Variants in SNTG2 observed in about 807,000 individuals in gnomAD.
The protein encoded by SNTG2 is syntrophin gamma 2.
Under a neutral mutation model 70.9 loss-of-function variants are expected in SNTG2, and 74 were observed. The observed-to-expected ratio is 1.04, with a 90% CI of 0.86 to 1.27. The LOEUF is 1.27. Ranked by LOEUF, SNTG2 falls within the 50% of genes most tolerant of loss-of-function variation. The probability of loss-of-function intolerance (pLI) is 0.00; values close to 1 mark genes in which losing one functional copy is unlikely to be tolerated. For missense variants in SNTG2, 717 were observed against 690.7 expected, an observed-to-expected ratio of 1.04 and a Z score of -0.43; for synonymous variants, 278 against 273.8, an observed-to-expected ratio of 1.02 and a Z score of -0.15.
intron 2 of SNTG2, among the ~76,000 whole-genome samples, chr2:1,096,313 C>G (rs1665385745): frequency 6.6e-6 from 1 of 152,172 alleles, no homozygotes; most frequent in African/African-American, 2.4e-5. Flanking sequence ...CATACATCAC[C>G]TCTTACAGTT....
At chr2:1,340,640 G>A (rs529133398) in intron 16 of SNTG2, among the ~76,000 whole-genome samples, 1 of 152,266 alleles carries the variant, frequency 6.6e-6, no homozygotes, top group South Asian at 2.1e-4. Flanking sequence ...AAAATAAAAT[G>A]TTTGACATAA....
At chr2:1,195,352 A>G (rs1672845732) in intron 8 of SNTG2, among the ~76,000 whole-genome samples, 1 of 152,170 alleles carries the variant, frequency 6.6e-6, no homozygotes, top group African/African-American at 2.4e-5. Context: ...AACAGTGTAA[A>G]AGCGTTCCTA....
chr2:1,317,188 C>T (rs1681325247), intron 16 of SNTG2, among the ~76,000 whole-genome samples: 1 of 90,942 alleles, frequency 1.1e-5, no homozygotes, highest in African/African-American at 4.4e-5. Context: ...AGCATGAGGC[C>T]AGCATTGGAG....
chr2:1,226,706 G>A (rs573695324), intron 9 of SNTG2, among the ~76,000 whole-genome samples: 8 of 152,226 alleles, frequency 5.3e-5, no homozygotes, highest in South Asian at 4.1e-4. Context: ...AGGTAAAACC[G>A]CAAGTCTCTT....
intron 1 of SNTG2, among the ~76,000 whole-genome samples, chr2:1,012,279 A>G (rs1000250565): frequency 2.0e-5 from 3 of 152,192 alleles, no homozygotes; most frequent in Non-Finnish European, 4.4e-5. Flanking sequence ...CCACAAAACA[A>G]CATCTTGAAA....
intron 8 of SNTG2, among the ~76,000 whole-genome samples, chr2:1,185,036 G>A (rs1034236115): frequency 1.3e-5 from 2 of 152,176 alleles, no homozygotes; most frequent in African/African-American, 4.8e-5. Context: ...CAGGCATTGG[G>A]TAAATACACC....
intron 11 of SNTG2, among the ~76,000 whole-genome samples, chr2:1,246,962 A>C (rs1420205740): frequency 1.3e-5 from 2 of 152,222 alleles, no homozygotes; most frequent in Non-Finnish European, 2.9e-5. Context: ...GAAAAATATA[A>C]TTAGCTGTTT....
intron 2 of SNTG2, among the ~76,000 whole-genome samples, chr2:1,090,970 G>A (rs572823772): frequency 6.6e-6 from 1 of 152,294 alleles, no homozygotes; most frequent in African/African-American, 2.4e-5. Context: ...GGTACTGGCT[G>A]TGCCCAATGA....
At chr2:986,482 ATGT>A (rs1270027604) in intron 1 of SNTG2, among the ~76,000 whole-genome samples, 1 of 152,226 alleles carries the variant, frequency 6.6e-6, no homozygotes, top group African/African-American at 2.4e-5. Flanking sequence ...GAATGGACAG[ATGT>A]TGTGAATGAG....
intron 14 of SNTG2, among the ~76,000 whole-genome samples, chr2:1,269,566 G>A (rs760631725): frequency 9.9e-5 from 15 of 152,084 alleles, no homozygotes; most frequent in Non-Finnish European, 1.9e-4. Flanking sequence ...CAGAGCTGGG[G>A]TTGGACTTTA....
intron 6 of SNTG2, among the ~76,000 whole-genome samples, chr2:1,162,025 G>A (rs1670334607): frequency 7.5e-6 from 1 of 132,816 alleles, no homozygotes; most frequent in Non-Finnish European, 1.5e-5. Context: ...AGTGGGCCCA[G>A]ATGGCGCCAC....
intron 1 of SNTG2, among the ~76,000 whole-genome samples, chr2:1,061,733 C>T (rs1024788286): frequency 6.6e-6 from 1 of 152,202 alleles, no homozygotes; most frequent in African/African-American, 2.4e-5. Context: ...CTGCCAGCAT[C>T]CATGCGCTGT....
intron 1 of SNTG2, among the ~76,000 whole-genome samples, chr2:1,072,377 A>C (rs1489601965): frequency 1.4e-5 from 2 of 138,892 alleles, no homozygotes; most frequent in African/African-American, 5.4e-5. Context: ...CCATTCTGAA[A>C]ATCCTAGGGC....
chr2:959,411 C>G (rs897187452), intron 1 of SNTG2, among the ~76,000 whole-genome samples: 1 of 152,060 alleles, frequency 6.6e-6, no homozygotes, highest in Admixed American at 6.6e-5. Context: ...TCGTGACCTA[C>G]AGATTCTTTT....
At chr2:1,084,808 C>T (rs543333168) in intron 2 of SNTG2, among the ~76,000 whole-genome samples, 1 of 152,298 alleles carries the variant, frequency 6.6e-6, no homozygotes, top group East Asian at 1.9e-4. Context: ...CCAGAGAGGA[C>T]GATCACTGTG....
At chr2:992,006 A>G (rs956874025) in intron 1 of SNTG2, among the ~76,000 whole-genome samples, 17 of 152,078 alleles carry the variant, frequency 1.1e-4, no homozygotes, top group South Asian at 4.2e-4. Flanking sequence ...GCATGCACCT[A>G]TAGTATCAGG....
At chr2:1,163,196 C>G (rs186191090) in intron 6 of SNTG2, 2 of 152,044 alleles carry the variant, frequency 1.3e-5, no homozygotes, top group East Asian at 3.9e-4. Flanking sequence ...GGGAAGCCTC[C>G]CAACAGGAAG....
intron 14 of SNTG2, among the ~76,000 whole-genome samples, chr2:1,287,052 A>T (rs187843655): frequency 6.2e-4 from 94 of 152,270 alleles, no homozygotes; most frequent in Middle Eastern, 3.4e-3. Context: ...CAAAGCTTGC[A>T]GAAGGGCAGG....
chr2:1,218,852 G>A (rs1485138394), intron 9 of SNTG2, among the ~76,000 whole-genome samples: 1 of 152,154 alleles, frequency 6.6e-6, no homozygotes, highest in Non-Finnish European at 1.5e-5. Context: ...AACCAAGTAG[G>A]GTGGGAGATG....
Sources: gnomAD v4.1 joint callset for allele counts (sites outside exome capture counted in the v4.1 genomes callset) on GRCh38, gnomAD v4.1.1 for gene constraint, MANE v1.5 for transcripts, NCBI Gene and HGNC (gene_info 2026-07-23, HGNC 2026-07-21) for gene names.